Variants in NDST3 observed in about 807,000 individuals in gnomAD.
NDST3 encodes bifunctional heparan sulfate N-deacetylase/N-sulfotransferase 3.
In NDST3, 58 loss-of-function variants were observed where a neutral mutation model predicts 96.1. The ratio of observed to expected loss-of-function variants is 0.60; its 90% CI spans 0.49 to 0.75. The LOEUF (loss-of-function observed/expected upper bound fraction) is 0.75, where lower values mean the gene tolerates loss of function less well. Among genes scored for constraint, NDST3 ranks in the 30% least tolerant of loss-of-function variants. NDST3 has a pLI of 0.00. For synonymous variants in NDST3, 333 were observed against 359.7 expected (o/e 0.93, Z 0.84); for missense variants, 788 against 1,034.2 (o/e 0.76, Z 3.27).
chr4:118,088,346 G>A (rs1728597205), intron 2 of NDST3, among the ~76,000 whole-genome samples: 1 of 152,010 alleles, frequency 6.6e-6, no homozygotes, highest in Admixed American at 6.6e-5. Flanking sequence ...AATAGAAAAT[G>A]TGTTTTTTCC....
intron 6 of NDST3, among the ~76,000 whole-genome samples, chr4:118,171,540 T>C (rs552875470): frequency 6.6e-6 from 1 of 152,118 alleles, no homozygotes; most frequent in African/African-American, 2.4e-5. Flanking sequence ...TAATGCTGCT[T>C]GGTGTTCTGA....
In NDST3 at chr4:118,074,626, TG is replaced by T. The variant is rs1395962339; in HGVS notation, c.981+19738del. Among the ~76,000 whole-genome samples, 3 of 152,308 alleles carry T rather than the reference TG, an allele frequency of 2.0e-5. No individual in the cohort carries two copies. In the East Asian group the frequency reaches 5.8e-4, roughly 29 times the overall value. Reference sequence around the variant, plus strand: ...TTCTCCATCCCTTACTTTGAGGCTATGGGTGTCACTGCATGTGAGATGTGTC... The same window carrying T: ...TTCTCCATCCCTTACTTTGAGGCTATGGTGTCACTGCATGTGAGATGTGTC... On this transcript the variant is annotated intron_variant, in intron 2 of 13. Coordinates refer to ENST00000296499, the MANE Select transcript of NDST3 (RefSeq NM_004784.3).
chr4:118,138,117 G>A lies in NDST3; in HGVS notation c.1288G>A (p.Val430Ile). 6.2e-7 allele frequency: 1 copy of A among 1,613,930 alleles called. No individual in the cohort carries two copies. Among genetic ancestry groups the A allele is most frequent in the Non-Finnish European group, 8.5e-7 (1 of 1,179,940 alleles). ...CCCTCACCATTCGGGCGTCTACCCT[G>A]TACATGTTCAGCTTTATGAGGCCTG... ...VAPHHSGVYP[V>I]HVQLYEAWKK... Residue 430 changes from valine to isoleucine, a missense_variant, in exon 5 of 14, where the codon GTA (valine) becomes ATA (isoleucine). This residue lies in a region of NDST3 where 490 missense variants were observed against 708.8 expected (regional missense o/e 0.69). Coordinates refer to ENST00000296499, the MANE Select transcript of NDST3 (RefSeq NM_004784.3).
At chr4:118,044,487 C>T (rs1456344886) in intron 1 of NDST3, among the ~76,000 whole-genome samples, 2 of 152,208 alleles carry the variant, frequency 1.3e-5, no homozygotes, top group Non-Finnish European at 2.9e-5. Context: ...CTACAATTCT[C>T]CCTCACCTAT....
At chr4:118,232,624 T>A (rs1440474748) in intron 8 of NDST3, among the ~76,000 whole-genome samples, 6 of 137,502 alleles carry the variant, frequency 4.4e-5, no homozygotes, top group Non-Finnish European at 7.9e-5. Flanking sequence ...GGCAATATAG[T>A]AAGATGCTGA....
chr4:118,155,779 T>C (rs1402347024), intron 6 of NDST3, among the ~76,000 whole-genome samples: 1 of 152,192 alleles, frequency 6.6e-6, no homozygotes, highest in Non-Finnish European at 1.5e-5. Flanking sequence ...CTGTAATTAC[T>C]TGTCACTCTG....
intron 4 of NDST3, among the ~76,000 whole-genome samples, chr4:118,132,925 G>C (rs1336026938): frequency 2.0e-5 from 3 of 152,104 alleles, no homozygotes. Flanking sequence ...AGCTGAGCCG[G>C]TATCCAAGAT....
At chr4:118,053,315 T>C (rs183451336) in intron 1 of NDST3, among the ~76,000 whole-genome samples, 1 of 152,064 alleles carries the variant, frequency 6.6e-6, no homozygotes, top group African/African-American at 2.4e-5. Context: ...GCCATCGACT[T>C]TGCAGAAAAG....
At chr4:118,123,552 A>T (rs1731786135) in intron 4 of NDST3, among the ~76,000 whole-genome samples, 1 of 151,964 alleles carries the variant, frequency 6.6e-6, no homozygotes, top group African/African-American at 2.4e-5. Context: ...TCATACATTC[A>T]TTTTTTTTAC....
chr4:118,133,599 A>C (rs1309021246), intron 4 of NDST3, among the ~76,000 whole-genome samples: 1 of 152,142 alleles, frequency 6.6e-6, no homozygotes, highest in Admixed American at 6.5e-5. Context: ...AGTTGTTAAA[A>C]TTTGGCCTTC....
chr4:118,220,324 C>T (rs1056153416), intron 6 of NDST3, among the ~76,000 whole-genome samples: 18 of 151,856 alleles, frequency 1.2e-4, no homozygotes, highest in Non-Finnish European at 2.7e-4. Flanking sequence ...AAGCTGGAAG[C>T]CATCATCTTC....
intron 6 of NDST3, among the ~76,000 whole-genome samples, chr4:118,183,829 T>C (rs1450988270): frequency 6.6e-6 from 1 of 152,244 alleles, no homozygotes; most frequent in African/African-American, 2.4e-5. Flanking sequence ...TAAGCCTGCA[T>C]GACTGCAGAA....
intron 12 of NDST3, among the ~76,000 whole-genome samples, chr4:118,243,337 T>C (rs922609245): frequency 1.3e-5 from 2 of 152,106 alleles, no homozygotes; most frequent in African/African-American, 2.4e-5. Context: ...AAATCAAATA[T>C]AGAGACACGT....
At chr4:118,053,529 CAA>C (rs1287223800) in intron 1 of NDST3, among the ~76,000 whole-genome samples, 3 of 151,758 alleles carry the variant, frequency 2.0e-5, no homozygotes, top group African/African-American at 4.8e-5. Flanking sequence ...TCTGTTAGCC[CAA>C]AGTCTTTTTT....
At chr4:118,136,513 A>T (rs1287350274) in intron 4 of NDST3, among the ~76,000 whole-genome samples, 1 of 152,216 alleles carries the variant, frequency 6.6e-6, no homozygotes, top group African/African-American at 2.4e-5. Flanking sequence ...AAAAGCAATG[A>T]GATATTTCAA....
intron 12 of NDST3, among the ~76,000 whole-genome samples, chr4:118,251,100 A>ATTTT (rs1560747528): frequency 7.2e-6 from 1 of 138,126 alleles, no homozygotes; most frequent in Non-Finnish European, 1.6e-5. Context: ...TTATTTATTT[A>ATTTT]TTTATTTATT....
intron 12 of NDST3, among the ~76,000 whole-genome samples, chr4:118,244,017 A>G (rs1741160094): frequency 6.6e-6 from 1 of 152,236 alleles, no homozygotes; most frequent in Non-Finnish European, 1.5e-5. Context: ...AAATAGCAAG[A>G]TAAGATATGT....
intron 2 of NDST3, among the ~76,000 whole-genome samples, chr4:118,067,578 A>G (rs1168976766): frequency 1.3e-5 from 2 of 152,126 alleles, no homozygotes; most frequent in Non-Finnish European, 2.9e-5. Context: ...CTCAAAGAAG[A>G]CACAGCTGCT....
At chr4:118,202,822 T>G (rs563330350) in intron 6 of NDST3, among the ~76,000 whole-genome samples, 2 of 152,342 alleles carry the variant, frequency 1.3e-5, no homozygotes, top group South Asian at 4.1e-4. Context: ...CTTGCCTGAT[T>G]GTTCCAGCTA....
Sources: allele counts gnomAD v4.1 joint callset (sites outside exome capture counted in the v4.1 genomes callset), GRCh38; gene constraint gnomAD v4.1.1; regional missense constraint gnomAD v4.1.1; transcripts MANE v1.5; gene names NCBI Gene and HGNC (gene_info 2026-07-23, HGNC 2026-07-21).